The following CDKAL1 variants were observed in gnomAD, a reference collection of about 807,000 sequenced individuals.
CDKAL1 encodes threonylcarbamoyladenosine tRNA methylthiotransferase.
Under a neutral mutation model 68.2 loss-of-function variants are expected in CDKAL1, and 32 were observed. That is an observed-to-expected ratio of 0.47 (90% confidence interval 0.35 to 0.63). The LOEUF is 0.63. Ranked by LOEUF, CDKAL1 falls within the 30% of genes least tolerant of loss-of-function variation. CDKAL1 has a pLI of 0.00. For synonymous variants in CDKAL1, 234 were observed against 244.3 expected (o/e 0.96, Z 0.39); for missense variants, 606 against 696.7 (o/e 0.87, Z 1.47).
intron 13 of CDKAL1, among the ~76,000 whole-genome samples, chr6:21,183,910 G>A (rs757411717): frequency 2.0e-5 from 3 of 152,054 alleles, no homozygotes; most frequent in Non-Finnish European, 2.9e-5. Flanking sequence ...CTTGGCCGGG[G>A]GCATTCAAAG....
chr6:20,589,226 GTAAAGAAAAAGATAC>G (rs1336980340), intron 4 of CDKAL1, among the ~76,000 whole-genome samples: 1 of 152,052 alleles, frequency 6.6e-6, no homozygotes, highest in African/African-American at 2.4e-5. Flanking sequence ...AAAGATACTA[GTAAAGAAAAAGATAC>G]TAATGACAAA....
intron 4 of CDKAL1, among the ~76,000 whole-genome samples, chr6:20,629,558 G>A (rs760331063): frequency 2.6e-5 from 4 of 151,904 alleles, no homozygotes; most frequent in Admixed American, 6.6e-5. Flanking sequence ...ACCCTTTCTG[G>A]TTCTAACACC....
chr6:20,831,448 G>A (rs901301977), intron 8 of CDKAL1, among the ~76,000 whole-genome samples: 43 of 152,146 alleles, frequency 2.8e-4, no homozygotes, highest in African/African-American at 9.9e-4. Context: ...GGCCCTTTCT[G>A]CTGACCAGTG....
chr6:20,627,978 TTTG>T (rs373973481), intron 4 of CDKAL1, among the ~76,000 whole-genome samples: 6 of 152,282 alleles, frequency 3.9e-5, no homozygotes, highest in East Asian at 1.9e-4. Flanking sequence ...CTAGGAGTTT[TTTG>T]TTGTTGTTGT....
intron 9 of CDKAL1, among the ~76,000 whole-genome samples, chr6:20,902,311 T>TCACA (rs71658260): frequency 0.014 from 115 of 8,212 alleles, 1 homozygote; most frequent in South Asian, 0.031. Context: ...CGTGGTGGAT[T>TCACA]CACACACACA....
chr6:21,081,818 T>C (rs1772422893), intron 12 of CDKAL1, among the ~76,000 whole-genome samples: 1 of 152,028 alleles, frequency 6.6e-6, no homozygotes, highest in Non-Finnish European at 1.5e-5. Flanking sequence ...CCTCATGTAA[T>C]CCACCCACCT....
intron 4 of CDKAL1, among the ~76,000 whole-genome samples, chr6:20,596,244 T>G (rs1241738342): frequency 2.0e-5 from 3 of 152,196 alleles, no homozygotes; most frequent in Non-Finnish European, 4.4e-5. Flanking sequence ...TGTTTAAGTC[T>G]GCTGAAGCTG....
At chr6:21,013,393 G>T (rs201295) in intron 11 of CDKAL1, among the ~76,000 whole-genome samples, 1 of 151,862 alleles carries the variant, frequency 6.6e-6, no homozygotes, top group Non-Finnish European at 1.5e-5. Flanking sequence ...GTACATTTAT[G>T]TGGGTACATA....
chr6:20,727,343 C>T (rs571971768), intron 5 of CDKAL1, among the ~76,000 whole-genome samples: 52 of 152,230 alleles, frequency 3.4e-4, no homozygotes, highest in African/African-American at 1.2e-3. Flanking sequence ...TAAAAACATA[C>T]ATATAACTAC....
At chr6:21,135,118 T>C (rs1369503169) in intron 13 of CDKAL1, among the ~76,000 whole-genome samples, 1 of 152,144 alleles carries the variant, frequency 6.6e-6, no homozygotes, top group East Asian at 1.9e-4. Flanking sequence ...AGAGTTTGTG[T>C]CTTGACTTTG....
intron 13 of CDKAL1, among the ~76,000 whole-genome samples, chr6:21,145,833 A>G (rs1225234041): frequency 6.6e-6 from 1 of 152,172 alleles, no homozygotes; most frequent in African/African-American, 2.4e-5. Flanking sequence ...CCAAGAGTTC[A>G]AGGCTGCAGC....
At chr6:21,054,295 G>T (rs1343149971) in intron 11 of CDKAL1, among the ~76,000 whole-genome samples, 1 of 152,078 alleles carries the variant, frequency 6.6e-6, no homozygotes, top group Non-Finnish European at 1.5e-5. Context: ...TATATATTTG[G>T]ACTCTCTATT....
At chr6:20,549,560 ATCTTG>A (rs1763732808) in intron 4 of CDKAL1, among the ~76,000 whole-genome samples, 1 of 150,126 alleles carries the variant, frequency 6.7e-6, no homozygotes, top group African/African-American at 2.4e-5. Context: ...ATTTTCTGCT[ATCTTG>A]TTTTCTTTAC....
rs191515919 is a variant in CDKAL1, at chr6:21,172,103, C to A, written c.1300-25918C>A. ...TTAAGGGAACATGGACAGTCCTCCC[C>A]CTAAAGCCAGTCAATATTTTGTTGC... On this transcript the variant is annotated intron_variant, in intron 13 of 15. Coordinates refer to ENST00000274695, the MANE Select transcript of CDKAL1 (RefSeq NM_017774.3). Among the ~76,000 whole-genome samples, 6 of 152,272 alleles carry A rather than the reference C, an allele frequency of 3.9e-5. No individual in the cohort carries two copies. The East Asian group carries it at 1.2e-3, about 29-fold the overall frequency.
chr6:20,902,255 A>G (rs1173175863), intron 9 of CDKAL1, among the ~76,000 whole-genome samples: 1 of 151,894 alleles, frequency 6.6e-6, no homozygotes, highest in East Asian at 1.9e-4. Flanking sequence ...GTAGGGGTTC[A>G]GAATGTAAGT....
At chr6:20,793,390 A>G (rs1294050473) in intron 8 of CDKAL1, among the ~76,000 whole-genome samples, 1 of 152,158 alleles carries the variant, frequency 6.6e-6, no homozygotes, top group African/African-American at 2.4e-5. Flanking sequence ...CATCTTGGAA[A>G]AAGAGATGTC....
intron 8 of CDKAL1, among the ~76,000 whole-genome samples, chr6:20,809,257 A>G (rs1174180245): frequency 6.6e-6 from 1 of 152,122 alleles, no homozygotes; most frequent in Non-Finnish European, 1.5e-5. Flanking sequence ...TCCTTCCTTA[A>G]CGCAGTGGGT....
At chr6:20,850,465 A>G (rs1031744250) in intron 9 of CDKAL1, among the ~76,000 whole-genome samples, 1 of 151,912 alleles carries the variant, frequency 6.6e-6, no homozygotes, top group African/African-American at 2.4e-5. Context: ...TTTATTTTTT[A>G]TTTTTTTGAG....
At chr6:20,747,235 C>A (rs1773701484) in intron 6 of CDKAL1, among the ~76,000 whole-genome samples, 1 of 152,158 alleles carries the variant, frequency 6.6e-6, no homozygotes, top group African/African-American at 2.4e-5. Flanking sequence ...TTTATTCATT[C>A]ATCCATCGAT....
Sources: allele counts gnomAD v4.1 joint callset (sites outside exome capture counted in the v4.1 genomes callset), GRCh38; gene constraint gnomAD v4.1.1; transcripts MANE v1.5; gene names NCBI Gene and HGNC (gene_info 2026-07-23, HGNC 2026-07-21).